Variants in CCDC148 observed in about 807,000 individuals in gnomAD.
CCDC148 encodes the protein coiled-coil domain containing 148.
In CCDC148, 89 loss-of-function variants were observed where a neutral mutation model predicts 85.7. The ratio of observed to expected loss-of-function variants is 1.04; its 90% CI spans 0.87 to 1.24. The LOEUF is 1.24. Among genes scored for constraint, CCDC148 ranks in the 50% most tolerant of loss-of-function variants. The pLI is 0.00. For missense variants in CCDC148, 692 were observed against 671.7 expected, an observed-to-expected ratio of 1.03 and a Z score of -0.33; for synonymous variants, 230 against 213.9, an observed-to-expected ratio of 1.08 and a Z score of -0.66.
intron 9 of CCDC148, among the ~76,000 whole-genome samples, chr2:158,271,987 G>A (rs998194442): frequency 2.6e-5 from 4 of 152,102 alleles, no homozygotes; most frequent in Admixed American, 2.0e-4. Context: ...GCTTCCATGT[G>A]ACAAGTTGCA....
rs530367492 is a variant in CCDC148, at chr2:158,453,064, T to C, written c.25+3351A>G. ...CCAACATCCTGATTCCAATTTTTTA[T>C]TGTTCAAAGTCAAGTTCTTCCAAGA... On this transcript the variant is annotated intron_variant, in intron 1 of 13. Coordinates refer to ENST00000283233, the MANE Select transcript of CCDC148 (RefSeq NM_138803.4). Among the ~76,000 whole-genome samples, 11 of 152,382 alleles carry C rather than the reference T, an allele frequency of 7.2e-5. No homozygotes were observed. The South Asian group carries it at 1.4e-3, about 20-fold the overall frequency.
chr2:158,263,585 C>T (rs992718228), intron 9 of CCDC148, among the ~76,000 whole-genome samples: 8 of 151,858 alleles, frequency 5.3e-5, no homozygotes, highest in African/African-American at 1.9e-4. Flanking sequence ...TACAAACATC[C>T]CTTTAAAAAG....
intron 1 of CCDC148, 151 bp downstream of exon 1, chr2:158,456,264 G>C (rs3796107): frequency 1.3e-6 from 1 of 781,752 alleles, no homozygotes. Context: ...GAGTCTTTCA[G>C]AAGAGTTATG....
chr2:158,404,253 T>A (rs922233323), intron 1 of CCDC148, among the ~76,000 whole-genome samples: 1 of 152,050 alleles, frequency 6.6e-6, no homozygotes, highest in South Asian at 2.1e-4. Context: ...ATGGCAAGGA[T>A]GGAAGCGCAC....
intron 1 of CCDC148, among the ~76,000 whole-genome samples, chr2:158,421,564 C>T (rs983375158): frequency 6.6e-6 from 1 of 151,938 alleles, no homozygotes; most frequent in Non-Finnish European, 1.5e-5. Flanking sequence ...CAACATACCA[C>T]CACCTCTGGG....
intron 10 of CCDC148, among the ~76,000 whole-genome samples, chr2:158,223,379 G>C (rs149810774): frequency 1.8e-4 from 28 of 152,318 alleles, no homozygotes; most frequent in African/African-American, 6.5e-4. Context: ...TGCCTCTGTA[G>C]ACTCCACTCT....
intron 1 of CCDC148, among the ~76,000 whole-genome samples, chr2:158,442,724 T>C (rs1034673064): frequency 6.6e-6 from 1 of 152,252 alleles, no homozygotes; most frequent in Non-Finnish European, 1.5e-5. Context: ...TCTTCCAGCC[T>C]GCGCTGAAGT....
At chr2:158,343,793 T>C (rs1448966998) in intron 3 of CCDC148, among the ~76,000 whole-genome samples, 1 of 152,192 alleles carries the variant, frequency 6.6e-6, no homozygotes, top group East Asian at 1.9e-4. Context: ...CGAACACAAA[T>C]TGCAATTAGC....
intron 2 of CCDC148, among the ~76,000 whole-genome samples, chr2:158,358,231 G>A (rs550823859): frequency 2.0e-5 from 3 of 152,256 alleles, no homozygotes; most frequent in Admixed American, 6.5e-5. Flanking sequence ...TGAAAGAGTT[G>A]TTCTGAACAT....
At chr2:158,184,976 G>A (rs534457623) in intron 11 of CCDC148, among the ~76,000 whole-genome samples, 2 of 152,260 alleles carry the variant, frequency 1.3e-5, no homozygotes, top group East Asian at 3.9e-4. Context: ...TAAATATACA[G>A]ATTAAAAGGA....
At chr2:158,313,549 G>A (rs1269013832) in intron 8 of CCDC148, among the ~76,000 whole-genome samples, 1 of 152,196 alleles carries the variant, frequency 6.6e-6, no homozygotes, top group East Asian at 1.9e-4. Flanking sequence ...TTCTGCCCGA[G>A]GGGGCCCCCC....
At chr2:158,351,766 G>A (rs1451239905) in intron 2 of CCDC148, among the ~76,000 whole-genome samples, 1 of 147,734 alleles carries the variant, frequency 6.8e-6, no homozygotes, top group East Asian at 2.0e-4. Context: ...CTCCACCTCT[G>A]GGGGCAGAGC....
rs1240124100 is a variant in CCDC148, at chr2:158,250,832, C to T, written c.1191G>A (p.Glu397=). The T allele has an allele frequency of 6.2e-7, 1 of 1,604,792 alleles. No individual in the cohort carries two copies. Among genetic ancestry groups the T allele is most frequent in the Non-Finnish European group, 8.5e-7 (1 of 1,177,102 alleles). ...TCTTCTTCCACAGTTTCTCTTTCTC[C>T]TCTTCCTTTTCTCTTCTTCTGGCAG... ...EISARRREKE[E]EKEKLWKKKE... Residue 397 remains glutamate, a synonymous_variant, in exon 10 of 14, where the codon GAG becomes GAA. Coordinates refer to ENST00000283233, the MANE Select transcript of CCDC148 (RefSeq NM_138803.4).
intron 1 of CCDC148, among the ~76,000 whole-genome samples, chr2:158,397,331 T>C (rs1048850229): frequency 2.0e-5 from 3 of 152,012 alleles, no homozygotes; most frequent in Non-Finnish European, 2.9e-5. Flanking sequence ...AATTTTCAGA[T>C]TCACCAAGGT....
At chr2:158,437,007 T>G (rs1045409316) in intron 1 of CCDC148, among the ~76,000 whole-genome samples, 2 of 152,042 alleles carry the variant, frequency 1.3e-5, no homozygotes, top group African/African-American at 4.8e-5. Context: ...CCAAAAAAAG[T>G]CCAGGACCAG....
At chr2:158,410,101 G>A (rs1686195123) in intron 1 of CCDC148, among the ~76,000 whole-genome samples, 1 of 152,100 alleles carries the variant, frequency 6.6e-6, no homozygotes, top group South Asian at 2.1e-4. Flanking sequence ...CATGAAAACA[G>A]CCTAATACAA....
At chr2:158,182,080 G>A (rs779575628) in intron 11 of CCDC148, among the ~76,000 whole-genome samples, 17 of 152,196 alleles carry the variant, frequency 1.1e-4, no homozygotes, top group Middle Eastern at 3.4e-3. Flanking sequence ...CAGTGAACAG[G>A]GGTGTTCCTC....
intron 3 of CCDC148, among the ~76,000 whole-genome samples, chr2:158,342,141 T>G (rs1376394860): frequency 6.7e-6 from 1 of 148,854 alleles, no homozygotes; most frequent in African/African-American, 2.5e-5. Flanking sequence ...GCAATTCTCC[T>G]GCCTCAGCCT....
At chr2:158,324,236 G>A (rs12617658) in intron 7 of CCDC148, among the ~76,000 whole-genome samples, 25,585 of 151,692 alleles carry the variant, frequency 0.17, 3,478 homozygotes, top group African/African-American at 0.38. Flanking sequence ...TATTTTTATT[G>A]TTTATTTGGG....
Sources: gnomAD v4.1 joint callset for allele counts (sites outside exome capture counted in the v4.1 genomes callset) on GRCh38, gnomAD v4.1.1 for gene constraint, MANE v1.5 for transcripts, NCBI Gene and HGNC (gene_info 2026-07-23, HGNC 2026-07-21) for gene names.